Variants in LACTBL1 observed in about 807,000 individuals in gnomAD.
LACTBL1 encodes lactamase beta like 1, also known as beta-lactamase-like protein 1.
In LACTBL1, 29 loss-of-function variants were observed where a neutral mutation model predicts 39.6. The observed-to-expected ratio is 0.73, with a 90% CI of 0.55 to 1.00. LACTBL1 has a LOEUF of 1.00. Ranked by LOEUF, LACTBL1 falls within the 50% of genes least tolerant of loss-of-function variation. The probability of loss-of-function intolerance (pLI) is 0.00; values close to 1 mark genes in which losing one functional copy is unlikely to be tolerated. For synonymous variants in LACTBL1, 361 were observed against 360.7 expected (o/e 1.00, Z -0.01); for missense variants, 711 against 748.5 (o/e 0.95, Z 0.59).
intron 3 of LACTBL1, 90 bp downstream of exon 5, chr1:22,959,852 A>G: frequency 1.4e-6 from 2 of 1,437,708 alleles, no homozygotes; most frequent in Non-Finnish European, 1.9e-6. Flanking sequence ...GACCCCAGCC[A>G]TGATTCTCTT....
At position 22,960,972 on chromosome 1, in the gene LACTBL1, G is replaced by A. The variant is rs80014378; in HGVS notation, c.160-873C>T. Among the ~76,000 whole-genome samples, 817 of 152,064 alleles carry A rather than the reference G, an allele frequency of 5.4e-3. 16 individuals carry two copies. The East Asian group carries it at 0.064, about 12-fold the overall frequency. ...TTTTTTAATTTTTTGTAGAGACGGC[G>A]TCTCACCGTGTAGACCAGGGTGGTC... On this transcript the variant is annotated intron_variant, in intron 2 of 5. Coordinates refer to ENST00000426928, the Ensembl canonical transcript of LACTBL1.
chr1:22,959,948 A>T (rs201481630), exon 3 of LACTBL1: 395 of 1,551,126 alleles, frequency 2.5e-4, no homozygotes, highest in Middle Eastern at 1.3e-3. Flanking sequence ...TGACCTGTAC[A>T]TGGTGTACTC....
chr1:22,953,334 C>G, exon 6 of LACTBL1: 1 of 1,229,396 alleles, frequency 8.1e-7, no homozygotes, highest in Non-Finnish European at 1.0e-6. Context: ...GCAGGCGCAG[C>G]TCGCCCGCCG....
intron 4 of LACTBL1, among the ~76,000 whole-genome samples, chr1:22,957,436 A>T (rs2124226723): frequency 6.6e-6 from 1 of 152,212 alleles, no homozygotes; most frequent in South Asian, 2.1e-4. Context: ...TGATATTACC[A>T]ATTGCCCTCC....
rs576076845 is a variant in LACTBL1 at position 22,960,416 on chromosome 1, G to A, written c.160-317C>T. Among the ~76,000 whole-genome samples, 3 of 152,210 alleles carry A rather than the reference G, an allele frequency of 2.0e-5. No individual in the cohort carries two copies. In the East Asian group the frequency reaches 5.8e-4, roughly 29 times the overall value. On this transcript the variant is annotated intron_variant, in intron 2 of 5. Transcript: ENST00000426928. ...AGATCACCTGAGGTCAGGAGTTCAA[G>A]GCCAGCCTGGCCAACATGGTGAAAC... is the stretch of plus-strand genomic sequence containing the variant.
At chr1:22,972,379 C>T in the LACTBL1 span, 14 of 984,834 alleles carry the variant, frequency 1.4e-5, no homozygotes, top group Non-Finnish European at 1.7e-5. Flanking sequence ...CAGGAGATCC[C>T]GTAAGCAGGA....
exon 4 of LACTBL1, chr1:22,958,880 A>G: frequency 6.4e-7 from 1 of 1,550,494 alleles, no homozygotes; most frequent in Non-Finnish European, 8.7e-7. Flanking sequence ...CACAGACGGT[A>G]CAGCATGAGG....
At chr1:22,971,245 G>A in the LACTBL1 span, among the ~76,000 whole-genome samples, 78 of 152,214 alleles carry the variant, frequency 5.1e-4, no homozygotes, top group African/African-American at 1.9e-3. Flanking sequence ...ATGCAGCTGG[G>A]ATCTCTACAC....
exon 4 of LACTBL1, chr1:22,958,892 C>T (rs1381776236): frequency 1.3e-6 from 2 of 1,549,952 alleles, no homozygotes; most frequent in East Asian, 2.4e-5. Context: ...AGCATGAGGA[C>T]AGGAAAGATC....
At chr1:22,954,049 G>A in intron 5 of LACTBL1, 25 bp from the exon 8 acceptor site, 12 of 1,500,208 alleles carry the variant, frequency 8.0e-6, no homozygotes, top group Non-Finnish European at 1.1e-5. Flanking sequence ...GTGGCAAGTG[G>A]GACGGGGCCC....
chr1:22,961,175 C>A (rs994382302), intron 2 of LACTBL1, among the ~76,000 whole-genome samples: 19 of 152,196 alleles, frequency 1.2e-4, no homozygotes, highest in Non-Finnish European at 2.9e-5. Context: ...ATGTGCCAGG[C>A]ATGGCATAAA....
upstream of LACTBL1, among the ~76,000 whole-genome samples, chr1:22,965,929 C>T (rs1006451521): frequency 6.6e-6 from 1 of 152,024 alleles, no homozygotes; most frequent in Non-Finnish European, 1.5e-5. Flanking sequence ...TACAGGTTGC[C>T]AGGGGATGGG....
At chr1:22,956,311 C>G (rs10799775) in intron 4 of LACTBL1, among the ~76,000 whole-genome samples, 84,411 of 151,632 alleles carry the variant, frequency 0.56, 25,074 homozygotes, top group East Asian at 0.8. Flanking sequence ...AGCCAGGTTG[C>G]AGTGGGCCAT....
chr1:22,963,158 C>G, exon 2 of LACTBL1: 5 of 1,311,444 alleles, frequency 3.8e-6, no homozygotes, highest in Non-Finnish European at 4.9e-6. Context: ...GGGGCACGGG[C>G]TCAGGGTGCC....
exon 6 of LACTBL1, chr1:22,953,095 T>C (rs967385628): frequency 3.8e-5 from 47 of 1,232,094 alleles, no homozygotes; most frequent in Middle Eastern, 3.1e-4. Context: ...TCTGTACGTG[T>C]TGAGGCCGGG....
chr1:22,963,160 C>T, exon 2 of LACTBL1: 1 of 1,313,198 alleles, frequency 7.6e-7, no homozygotes, highest in Non-Finnish European at 9.8e-7. Flanking sequence ...GGCACGGGCT[C>T]AGGGTGCCGG....
chr1:22,957,197 T>C (rs1164997977), intron 4 of LACTBL1, among the ~76,000 whole-genome samples: 1 of 152,152 alleles, frequency 6.6e-6, no homozygotes, highest in Non-Finnish European at 1.5e-5. Context: ...ATGATTATCC[T>C]TTTTTTAGGT....
At chr1:22,963,148 G>C in exon 2 of LACTBL1, 1 of 1,298,068 alleles carries the variant, frequency 7.7e-7, no homozygotes, top group South Asian at 2.6e-5. Flanking sequence ...GGGTGAGCCA[G>C]GGGCACGGGC....
chr1:22,956,374 AAGG>A, intron 4 of LACTBL1, among the ~76,000 whole-genome samples: 1 of 152,188 alleles, frequency 6.6e-6, no homozygotes, highest in East Asian at 1.9e-4. Context: ...CTGCCAAAAA[AAGG>A]AGAAGGAGAA....
Sources: allele counts gnomAD v4.1 joint callset (sites outside exome capture counted in the v4.1 genomes callset), GRCh38; gene constraint gnomAD v4.1.1; transcripts MANE v1.5; gene names NCBI Gene and HGNC (gene_info 2026-07-23, HGNC 2026-07-21).